ASCC3: variants seen among roughly 807,000 people sequenced by gnomAD.
ASCC3 encodes the protein ASC-1 complex subunit P200.
In ASCC3, 158 loss-of-function variants were observed where a neutral mutation model predicts 256.3. That is an observed-to-expected ratio of 0.62 (90% CI 0.54 to 0.70). The LOEUF is 0.70. Ranked by LOEUF, ASCC3 falls within the 30% of genes least tolerant of loss-of-function variation. ASCC3 has a pLI of 0.00. For synonymous variants in ASCC3, 948 were observed against 883.4 expected (o/e 1.07, Z -1.30); for missense variants, 2,259 against 2,626.0 (o/e 0.86, Z 3.05).
chr6:100,547,174 G>C (rs190761411), intron 36 of ASCC3, among the ~76,000 whole-genome samples: 1 of 151,692 alleles, frequency 6.6e-6, no homozygotes, highest in Admixed American at 6.6e-5. Flanking sequence ...TATCCATATG[G>C]CAAAAAAGAA....
At chr6:100,513,413 T>G (rs915226156) in intron 39 of ASCC3, among the ~76,000 whole-genome samples, 6 of 152,164 alleles carry the variant, frequency 3.9e-5, no homozygotes, top group Non-Finnish European at 5.9e-5. Flanking sequence ...GAAGCATCTA[T>G]TCAGACATTC....
intron 1 of ASCC3, among the ~76,000 whole-genome samples, chr6:100,870,700 A>C (rs549698463): frequency 6.6e-6 from 1 of 152,318 alleles, no homozygotes; most frequent in Non-Finnish European, 1.5e-5. Context: ...TAAACTTCTA[A>C]GTTAGCTGAC....
chr6:100,568,717 T>C (rs1321745074), intron 36 of ASCC3, among the ~76,000 whole-genome samples: 1 of 150,196 alleles, frequency 6.7e-6, no homozygotes, highest in Admixed American at 6.6e-5. Flanking sequence ...TGTCAATTTG[T>C]TTTTGCTGCA....
chr6:100,688,959 T>C (rs889034848), intron 13 of ASCC3, among the ~76,000 whole-genome samples: 6 of 152,186 alleles, frequency 3.9e-5, no homozygotes, highest in African/African-American at 1.4e-4. Context: ...GTCATAACAC[T>C]CTAAAGTTCT....
intron 1 of ASCC3, among the ~76,000 whole-genome samples, chr6:100,870,838 G>A (rs1440547792): frequency 6.6e-6 from 1 of 152,252 alleles, no homozygotes; most frequent in East Asian, 1.9e-4. Flanking sequence ...AGAAAAAAAT[G>A]AAAGCAAGAG....
intron 8 of ASCC3, among the ~76,000 whole-genome samples, chr6:100,790,036 A>C (rs1302665645): frequency 6.6e-6 from 1 of 151,946 alleles, no homozygotes; most frequent in East Asian, 1.9e-4. Context: ...GTGATGTGCC[A>C]GGATTTATAT....
chr6:100,618,812 A>G (rs916130601), intron 30 of ASCC3, among the ~76,000 whole-genome samples: 2 of 152,176 alleles, frequency 1.3e-5, no homozygotes, highest in Non-Finnish European at 2.9e-5. Flanking sequence ...CTCTTTTCCT[A>G]CCAAACATGG....
chr6:100,593,071 T>TA (rs1772087608), intron 34 of ASCC3, among the ~76,000 whole-genome samples: 1 of 152,086 alleles, frequency 6.6e-6, no homozygotes, highest in East Asian at 1.9e-4. Context: ...CTGTAAGACT[T>TA]CTCTATATTG....
At chr6:100,530,518 T>C in intron 37 of ASCC3, 1 of 785,874 alleles carries the variant, frequency 1.3e-6, no homozygotes. Flanking sequence ...GAGAATAAAA[T>C]TGGAATAGAT....
chr6:100,617,621 G>T (rs1773737347), intron 30 of ASCC3, among the ~76,000 whole-genome samples: 1 of 152,096 alleles, frequency 6.6e-6, no homozygotes, highest in Non-Finnish European at 1.5e-5. Flanking sequence ...GTCACTGACT[G>T]CCAAGTTCAT....
intron 1 of ASCC3, among the ~76,000 whole-genome samples, chr6:100,880,065 A>T (rs1224710248): frequency 6.6e-6 from 1 of 152,198 alleles, no homozygotes; most frequent in Non-Finnish European, 1.5e-5. Flanking sequence ...TGAATGAATG[A>T]CAAAAAACTG....
intron 14 of ASCC3, among the ~76,000 whole-genome samples, chr6:100,662,944 C>G (rs1318493161): frequency 1.3e-5 from 2 of 151,978 alleles, no homozygotes; most frequent in Non-Finnish European, 2.9e-5. Context: ...CAATCTCATC[C>G]CCTTACCTCA....
At chr6:100,854,189 C>T (rs1772826881) in intron 3 of ASCC3, among the ~76,000 whole-genome samples, 1 of 147,336 alleles carries the variant, frequency 6.8e-6, no homozygotes, top group African/African-American at 2.5e-5. Context: ...GAGTATTAAA[C>T]CATCTTTCAA....
At chr6:100,725,724 TA>T (rs748109511) in intron 10 of ASCC3, 21 bp from the exon 11 acceptor site, 1 of 1,611,616 alleles carries the variant, frequency 6.2e-7, no homozygotes, top group Admixed American at 1.7e-5. Flanking sequence ...AGACACATTT[TA>T]AAAGGGGAAA....
chr6:100,764,539 T>C (rs1781561953), intron 10 of ASCC3, among the ~76,000 whole-genome samples: 1 of 152,228 alleles, frequency 6.6e-6, no homozygotes, highest in East Asian at 1.9e-4. Flanking sequence ...AAAAAGAATC[T>C]GATGTCATAT....
intron 13 of ASCC3, among the ~76,000 whole-genome samples, chr6:100,712,000 G>A (rs1245330729): frequency 6.6e-6 from 1 of 152,126 alleles, no homozygotes; most frequent in Non-Finnish European, 1.5e-5. Flanking sequence ...ACATATCTTT[G>A]ACTAAGGAAC....
At chr6:100,551,294 C>G (rs1308836008) in intron 36 of ASCC3, among the ~76,000 whole-genome samples, 1 of 151,744 alleles carries the variant, frequency 6.6e-6, no homozygotes, top group Admixed American at 6.6e-5. Flanking sequence ...AGCGGGGGAG[C>G]CAGACCTTAA....
intron 19 of ASCC3, 46 bp from the exon 20 acceptor site, chr6:100,650,760 T>A: frequency 6.8e-7 from 1 of 1,461,088 alleles, no homozygotes; most frequent in Non-Finnish European, 9.6e-7. Flanking sequence ...CTGATTTATT[T>A]AAATTTTTCA....
At chr6:100,734,545 C>T (rs1447520954) in intron 10 of ASCC3, among the ~76,000 whole-genome samples, 3 of 152,110 alleles carry the variant, frequency 2.0e-5, no homozygotes, top group Non-Finnish European at 2.9e-5. Context: ...GAGATTAAAA[C>T]GGTACTTACC....
Sources: gnomAD v4.1 joint callset for allele counts (sites outside exome capture counted in the v4.1 genomes callset) on GRCh38, gnomAD v4.1.1 for gene constraint, MANE v1.5 for transcripts, NCBI Gene and HGNC (gene_info 2026-07-23, HGNC 2026-07-21) for gene names.